ARK2N: variants seen among roughly 807,000 people sequenced by gnomAD.
ARK2N encodes arkadia (RNF111) N-terminal like PKA signaling regulator 2N, also known as protein ARK2N.
At chr18:46,200,703 A>G in the ARK2N span, among the ~76,000 whole-genome samples, 1 of 152,146 alleles carries the variant, frequency 6.6e-6, no homozygotes, top group African/African-American at 2.4e-5. Flanking sequence ...ATTCATTTCT[A>G]CAGCTGCAAA....
chr18:46,246,866 G>A, the ARK2N span, among the ~76,000 whole-genome samples: 2 of 151,626 alleles, frequency 1.3e-5, no homozygotes, highest in East Asian at 1.9e-4. Flanking sequence ...GCTTGAACCC[G>A]GGAGGTGGAG....
the ARK2N span, among the ~76,000 whole-genome samples, chr18:46,194,063 G>A: frequency 2.0e-5 from 3 of 152,094 alleles, no homozygotes; most frequent in South Asian, 2.1e-4. Context: ...GAGTGCAAAG[G>A]CTCACTGCCA....
chr18:46,224,262 T>G, the ARK2N span, among the ~76,000 whole-genome samples: 955 of 152,268 alleles, frequency 6.3e-3, 4 homozygotes, highest in African/African-American at 0.021. Context: ...CTACATTTTT[T>G]TGTGTGTGTG....
At chr18:46,258,692 C>T in the ARK2N span, among the ~76,000 whole-genome samples, 1 of 152,308 alleles carries the variant, frequency 6.6e-6, no homozygotes. Context: ...TGTATCTGCA[C>T]TAATACAGAT....
the ARK2N span, among the ~76,000 whole-genome samples, chr18:46,191,250 C>T: frequency 1.3e-5 from 2 of 152,156 alleles, no homozygotes; most frequent in Non-Finnish European, 2.9e-5. Flanking sequence ...TACAGACGGT[C>T]CTCAACCCAT....
the ARK2N span, among the ~76,000 whole-genome samples, chr18:46,243,585 A>T: frequency 6.6e-6 from 1 of 152,330 alleles, no homozygotes; most frequent in South Asian, 2.1e-4. Flanking sequence ...GCAGGGATTA[A>T]AAAGTAAGTC....
the ARK2N span, among the ~76,000 whole-genome samples, chr18:46,191,422 C>T: frequency 2.6e-5 from 4 of 151,792 alleles, no homozygotes; most frequent in South Asian, 8.3e-4. Context: ...TCTCAAGCAA[C>T]CCTCATGCCT....
the ARK2N span, among the ~76,000 whole-genome samples, chr18:46,234,023 C>T: frequency 2.0e-5 from 3 of 151,974 alleles, no homozygotes; most frequent in South Asian, 6.2e-4. Context: ...GGAAATGGCC[C>T]TTTATAGATT....
At chr18:46,174,654 C>T in the ARK2N span, among the ~76,000 whole-genome samples, 1 of 152,134 alleles carries the variant, frequency 6.6e-6, no homozygotes, top group Non-Finnish European at 1.5e-5. Flanking sequence ...TGAGGCGAGT[C>T]CTTTTCCGGG....
the ARK2N span, among the ~76,000 whole-genome samples, chr18:46,235,251 C>G: frequency 2.6e-5 from 4 of 152,164 alleles, no homozygotes; most frequent in African/African-American, 9.7e-5. Context: ...AACAAAAATA[C>G]AAAAGTCACA....
chr18:46,239,873 G>A, the ARK2N span: 1 of 794,376 alleles, frequency 1.3e-6, no homozygotes, highest in Admixed American at 2.5e-5. Flanking sequence ...CAAAATATTA[G>A]ATCTATAAAG....
chr18:46,188,955 C>T, the ARK2N span, among the ~76,000 whole-genome samples: 6,540 of 152,206 alleles, frequency 0.043, 360 homozygotes, highest in East Asian at 0.12. Flanking sequence ...TGGCTCACGC[C>T]TGTAATCCCA....
chr18:46,180,350 C>T, the ARK2N span, among the ~76,000 whole-genome samples: 3 of 152,082 alleles, frequency 2.0e-5, no homozygotes, highest in African/African-American at 7.2e-5. Flanking sequence ...GTATTTATAC[C>T]TGGTTAAATT....
At chr18:46,195,559 C>CTT in the ARK2N span, among the ~76,000 whole-genome samples, 127 of 72,652 alleles carry the variant, frequency 1.7e-3, no homozygotes, top group African/African-American at 4.0e-3. Flanking sequence ...CCCACATAAA[C>CTT]TTTTTTTTTT....
the ARK2N span, chr18:46,216,548 A>G: frequency 6.2e-7 from 1 of 1,614,096 alleles, no homozygotes; most frequent in Non-Finnish European, 8.5e-7. This position sits in a 1 kb window ranked among gnomAD's most constrained non-coding sequence, Gnocchi z 4.3. Context: ...TCAGATGATG[A>G]TGAAGAGGTT....
At chr18:46,212,562 G>T in the ARK2N span, among the ~76,000 whole-genome samples, 1 of 152,016 alleles carries the variant, frequency 6.6e-6, no homozygotes, top group African/African-American at 2.4e-5. Context: ...ATACCATGAT[G>T]AGCTAACTTT....
the ARK2N span, among the ~76,000 whole-genome samples, chr18:46,208,260 T>A: frequency 9.2e-5 from 14 of 152,178 alleles, no homozygotes; most frequent in Non-Finnish European, 1.9e-4. Context: ...CCTTAACTAA[T>A]GACCTTGCTT....
the ARK2N span, chr18:46,263,295 A>G: frequency 1.8e-6 from 1 of 554,502 alleles, no homozygotes; most frequent in Non-Finnish European, 3.1e-6. Flanking sequence ...GAAGTCACTT[A>G]GGAAAATAAC....
the ARK2N span, among the ~76,000 whole-genome samples, chr18:46,181,278 A>G: frequency 2.6e-5 from 4 of 152,106 alleles, no homozygotes; most frequent in African/African-American, 9.6e-5. Context: ...GGGGGGGGAA[A>G]TGTCGTTTTT....
Sources: gnomAD v4.1 joint callset for allele counts (sites outside exome capture counted in the v4.1 genomes callset) on GRCh38, gnomAD v4.1.1 for gene constraint, Gnocchi (gnomAD v3.1) non-coding constraint, MANE v1.5 for transcripts, NCBI Gene and HGNC (gene_info 2026-07-23, HGNC 2026-07-21) for gene names.